Variants in CDC42EP4 observed in about 807,000 individuals in gnomAD.
CDC42EP4 encodes the protein CDC42 effector protein 4, also known as CDC42 effector protein (Rho GTPase binding) 4.
Under a neutral mutation model 5.6 loss-of-function variants are expected in CDC42EP4, and 6 were observed. That is an observed-to-expected ratio of 1.07 (90% CI 0.59 to 2.12). The LOEUF (loss-of-function observed/expected upper bound fraction) is 2.12. CDC42EP4 is among the 30% of genes most tolerant of loss of function. The pLI is 0.00. For synonymous variants in CDC42EP4, 230 were observed against 224.2 expected (o/e 1.03, Z -0.23); for missense variants, 490 against 508.6 (o/e 0.96, Z 0.35).
At chr17:73,299,752 G>A (rs571925283) in intron 1 of CDC42EP4, among the ~76,000 whole-genome samples, 5 of 152,070 alleles carry the variant, frequency 3.3e-5, no homozygotes, top group Non-Finnish European at 5.9e-5. Context: ...GGGTAGGAAG[G>A]GTCTGGGAGC....
At chr17:73,300,223 C>G (rs557348893) in intron 1 of CDC42EP4, among the ~76,000 whole-genome samples, 64 of 152,272 alleles carry the variant, frequency 4.2e-4, no homozygotes, top group African/African-American at 1.4e-3. Context: ...AGATGAACAT[C>G]CTCTACTTTG....
intron 1 of CDC42EP4, among the ~76,000 whole-genome samples, chr17:73,291,663 C>A (rs2062161847): frequency 6.6e-6 from 1 of 152,070 alleles, no homozygotes; most frequent in African/African-American, 2.4e-5. Flanking sequence ...GTGGGGCAGG[C>A]ACTCCCCATA....
chr17:73,305,964 T>C (rs976912512), intron 1 of CDC42EP4, among the ~76,000 whole-genome samples: 1 of 152,112 alleles, frequency 6.6e-6, no homozygotes, highest in Non-Finnish European at 1.5e-5. Flanking sequence ...CCTCCCTCTG[T>C]AGTCTCTGCC....
intron 1 of CDC42EP4, among the ~76,000 whole-genome samples, chr17:73,296,977 TCTCAAAAAAAAAAAAAAAA>T (rs1182523381): frequency 2.2e-4 from 2 of 9,168 alleles, no homozygotes; most frequent in African/African-American, 5.5e-4. Context: ...CAAGACTCCG[TCTCAAAAAAAAAAAAAAAA>T]AAAAAAAATA....
intron 1 of CDC42EP4, among the ~76,000 whole-genome samples, chr17:73,299,590 C>T (rs901918576): frequency 4.6e-5 from 7 of 152,202 alleles, no homozygotes; most frequent in East Asian, 1.9e-4. Context: ...AAGCACGAAC[C>T]GTTGCACCCC....
At chr17:73,291,193 T>G (rs2062159788) in intron 1 of CDC42EP4, among the ~76,000 whole-genome samples, 1 of 151,774 alleles carries the variant, frequency 6.6e-6, no homozygotes, top group Non-Finnish European at 1.5e-5. Flanking sequence ...TCCTGGGGGG[T>G]TGGGAACGAG....
chr17:73,296,328 G>A (rs1277054154), intron 1 of CDC42EP4, among the ~76,000 whole-genome samples: 1 of 150,730 alleles, frequency 6.6e-6, no homozygotes, highest in East Asian at 2.0e-4. Context: ...TGAGGCAGGA[G>A]AATGGCTTGA....
intron 1 of CDC42EP4, among the ~76,000 whole-genome samples, chr17:73,293,076 G>C (rs2062169119): frequency 6.6e-6 from 1 of 152,152 alleles, no homozygotes; most frequent in African/African-American, 2.4e-5. Context: ...TCGAACTCCT[G>C]GCATCAAGCA....
chr17:73,288,063 A>G (rs573576829), intron 1 of CDC42EP4, among the ~76,000 whole-genome samples: 4 of 152,104 alleles, frequency 2.6e-5, no homozygotes, highest in South Asian at 2.1e-4. Flanking sequence ...CAGTTCCCCA[A>G]TGCAACCCCT....
In CDC42EP4 at chr17:73,284,720, G is replaced by A. The variant is rs956470214; in HGVS notation, c.*710C>T. Reference sequence around the variant, plus strand: ...GAACAAACAAGCCCCTAGGGACTGAGCGAGTGCCCTAGCCCTGTTCCTAGT... The same window carrying A: ...GAACAAACAAGCCCCTAGGGACTGAACGAGTGCCCTAGCCCTGTTCCTAGT... On this transcript the variant is annotated 3_prime_UTR_variant, in exon 2 of 2. Coordinates refer to ENST00000335793, the MANE Select transcript of CDC42EP4 (RefSeq NM_012121.5). The A allele has an allele frequency of 1.3e-5, 2 of 152,220 alleles. No individual in the cohort carries two copies. The highest frequency in any genetic ancestry group is 2.4e-5 in the African/African-American group (1 of 41,444). 9.4% of individuals were successfully genotyped at this position (152,220 alleles called of 1,614,324 possible).
chr17:73,290,594 T>C (rs1475403834), intron 1 of CDC42EP4, among the ~76,000 whole-genome samples: 1 of 152,154 alleles, frequency 6.6e-6, no homozygotes, highest in African/African-American at 2.4e-5. Context: ...TATTGCCCAA[T>C]GTCCCCCAGG....
chr17:73,308,447 A>G (rs577641137), intron 1 of CDC42EP4, among the ~76,000 whole-genome samples: 2 of 152,288 alleles, frequency 1.3e-5, no homozygotes, highest in East Asian at 3.9e-4. Context: ...CCACAGGGAC[A>G]AACTCCTCTG....
chr17:73,308,274 C>T (rs767625522), intron 1 of CDC42EP4, among the ~76,000 whole-genome samples: 10 of 152,160 alleles, frequency 6.6e-5, no homozygotes, highest in African/African-American at 1.2e-4. Flanking sequence ...TCCTCACGGT[C>T]GGGAAAAATC....
rs183385327 is a variant in CDC42EP4, at chr17:73,284,335, C to T, written c.*1095G>A. 2.0e-5 allele frequency: 3 copies of T among 152,110 alleles called. No individual in the cohort carries two copies. The highest frequency in any genetic ancestry group is 6.5e-5 in the Admixed American group (1 of 15,268). 9.4% of individuals were successfully genotyped at this position (152,110 alleles called of 1,614,324 possible). On this transcript the variant is annotated 3_prime_UTR_variant, in exon 2 of 2. Transcript: ENST00000335793. Reference sequence around the variant, plus strand: ...CAAAAAGAAAAAAAAGGCTTTCCCCCCATAGGAATGATATATTATTTAAAA... The same window carrying T: ...CAAAAAGAAAAAAAAGGCTTTCCCCTCATAGGAATGATATATTATTTAAAA...
chr17:73,286,030 C>A lies in CDC42EP4; in HGVS notation c.471G>T (p.Ala157=). ...ANDGEGGDEE[A]GTEEAVPRRN... ...GACGGGGCACTGCCTCCTCCGTGCC[C>A]GCCTCCTCATCGCCGCCCTCCCCGT... The change falls in exon 2 of 2, where the codon GCG becomes GCT. Residue 157 remains alanine (A), a synonymous_variant. Coordinates refer to ENST00000335793, the MANE Select transcript of CDC42EP4 (RefSeq NM_012121.5). The surrounding 1 kb of genome is among the most constrained non-coding windows in gnomAD (Gnocchi z 7.7). The A allele has an allele frequency of 6.2e-7, 1 of 1,613,770 alleles. No homozygotes were observed.
rs145621979 is a variant in CDC42EP4 at position 73,294,840 on chromosome 17, G to A, written c.-112-8228C>T. The stretch of plus-strand genomic sequence containing the variant: ...TTTCTTTTTTTTGAGACAGAGTTTC[G>A]CTCTTGTTGCCCATGCTGGAATGTA... On this transcript the variant is annotated intron_variant, in intron 1 of 1. Coordinates refer to ENST00000335793, the MANE Select transcript of CDC42EP4 (RefSeq NM_012121.5). Among the ~76,000 whole-genome samples, 856 of 151,556 alleles carry A rather than the reference G, an allele frequency of 5.6e-3. 3 individuals are homozygous for A. The highest frequency in any genetic ancestry group is 9.0e-3 in the Non-Finnish European group (611 of 67,918).
In CDC42EP4 at chr17:73,301,468, A is replaced by G. The variant is rs115639861; in HGVS notation, c.-113+10425T>C. On this transcript the variant is annotated intron_variant, in intron 1 of 1. Coordinates refer to ENST00000335793, the MANE Select transcript of CDC42EP4 (RefSeq NM_012121.5). ...ATCTTAATATCTAATTTTTACATCC[A>G]ATCAGGGATTGAATGGCTAGGTTGT... Among the ~76,000 whole-genome samples, 608 of 152,346 alleles carry G rather than the reference A, an allele frequency of 4.0e-3. 5 individuals carry two copies. The highest frequency in any genetic ancestry group is 0.014 in the African/African-American group (562 of 41,592).
rs1394978239 is a variant in CDC42EP4 at position 73,285,544 on chromosome 17, C to T, written c.957G>A (p.Glu319=). Residue 319 remains glutamate, a synonymous_variant, in exon 2 of 2, where the codon GAG becomes GAA. Coordinates refer to ENST00000335793, the MANE Select transcript of CDC42EP4 (RefSeq NM_012121.5). This position sits in a 1 kb window ranked among gnomAD's most constrained non-coding sequence, Gnocchi z 6.8. ...SLSSCTSGIL[E]ERSPAFRGPD... is the part of the protein sequence containing the mutation. ...GCCCCCGGAAGGCAGGGCTGCGCTC[C>T]TCCAGGATGCCTGAGGTGCAGCTGG... is the stretch of plus-strand genomic sequence containing the variant. 1 of 1,612,134 alleles carries T rather than the reference C, an allele frequency of 6.2e-7. No individual in the cohort carries two copies.
chr17:73,305,666 CA>C (rs1345724439), intron 1 of CDC42EP4, among the ~76,000 whole-genome samples: 6 of 152,208 alleles, frequency 3.9e-5, no homozygotes, highest in Non-Finnish European at 8.8e-5. Context: ...CATTAGCTCT[CA>C]GAACAATTGA....
Sources: allele counts gnomAD v4.1 joint callset (sites outside exome capture counted in the v4.1 genomes callset), GRCh38; gene constraint gnomAD v4.1.1; non-coding constraint Gnocchi (gnomAD v3.1); transcripts MANE v1.5; gene names NCBI Gene and HGNC (gene_info 2026-07-23, HGNC 2026-07-21).